RANBP2: variants seen among roughly 807,000 people sequenced by gnomAD.
The protein encoded by RANBP2 is RAN binding protein 2, also known as E3 SUMO-protein ligase RanBP2.
Under a neutral mutation model 303.6 loss-of-function variants are expected in RANBP2, and 57 were observed. The observed-to-expected ratio is 0.19, with a 90% CI of 0.15 to 0.23. The LOEUF (loss-of-function observed/expected upper bound fraction) is 0.23. Among genes scored for constraint, RANBP2 ranks in the 10% least tolerant of loss-of-function variants. The pLI is 1.00. For missense variants in RANBP2, 3,138 were observed against 3,780.8 expected, an observed-to-expected ratio of 0.83 and a Z score of 4.46; for synonymous variants, 1,167 against 1,301.5, an observed-to-expected ratio of 0.90 and a Z score of 2.23.
At chr2:109,003,404 AT>A in the RANBP2 span, among the ~76,000 whole-genome samples, 4 of 150,194 alleles carry the variant, frequency 2.7e-5, no homozygotes, top group South Asian at 4.2e-4. Context: ...ATCCCTTTTA[AT>A]TTTTTTTCTT....
At chr2:109,568,961 C>T in the RANBP2 span, among the ~76,000 whole-genome samples, 8 of 152,186 alleles carry the variant, frequency 5.3e-5, 1 homozygote, top group East Asian at 3.9e-4. Flanking sequence ...TTGTGAAGAC[C>T]GAATAACTTG....
the RANBP2 span, among the ~76,000 whole-genome samples, chr2:108,887,466 C>T: frequency 3.9e-5 from 6 of 151,990 alleles, no homozygotes; most frequent in African/African-American, 1.4e-4. Flanking sequence ...CTTTGGGCAA[C>T]GTGGTTATTT....
the RANBP2 span, among the ~76,000 whole-genome samples, chr2:109,468,533 G>C: frequency 6.6e-6 from 1 of 152,026 alleles, no homozygotes; most frequent in East Asian, 1.9e-4. Context: ...GGCAAGAAGC[G>C]AGCACAAACG....
chr2:109,608,956 G>A, the RANBP2 span, among the ~76,000 whole-genome samples: 1 of 152,196 alleles, frequency 6.6e-6, no homozygotes, highest in Admixed American at 6.5e-5. Context: ...CAAGGGTCCT[G>A]TATGTATTCT....
intron 7 of RANBP2, among the ~76,000 whole-genome samples, chr2:108,745,808 C>T (rs2693115): frequency 3.3e-5 from 5 of 151,838 alleles, no homozygotes; most frequent in South Asian, 2.1e-4. Context: ...TATGCAGGGT[C>T]GAAAAGTAAT....
the RANBP2 span, among the ~76,000 whole-genome samples, chr2:109,036,082 A>G: frequency 4.6e-5 from 7 of 152,230 alleles, no homozygotes. Context: ...ACATTCTCAG[A>G]TGAAAGAAAA....
intron 9 of RANBP2, among the ~76,000 whole-genome samples, chr2:108,750,463 A>T (rs979043791): frequency 1.3e-5 from 2 of 152,228 alleles, no homozygotes; most frequent in Non-Finnish European, 2.9e-5. Flanking sequence ...CTAAAAACAG[A>T]ATTAGAGACA....
At chr2:109,116,674 G>C in the RANBP2 span, among the ~76,000 whole-genome samples, 1 of 152,212 alleles carries the variant, frequency 6.6e-6, no homozygotes, top group East Asian at 1.9e-4. Context: ...TTGCTGGTGA[G>C]GAACTGCGTT....
At chr2:109,669,669 C>T in the RANBP2 span, among the ~76,000 whole-genome samples, 1 of 152,176 alleles carries the variant, frequency 6.6e-6, no homozygotes, top group Non-Finnish European at 1.5e-5. Context: ...TACATCTAAA[C>T]CAGAGAAGGC....
chr2:109,098,632 C>T, the RANBP2 span, among the ~76,000 whole-genome samples: 2 of 152,206 alleles, frequency 1.3e-5, no homozygotes, highest in African/African-American at 4.8e-5. Context: ...TGGAACACAT[C>T]CTATTTCATG....
chr2:108,772,746 T>G, intron 22 of RANBP2, 122 bp from the exon 23 acceptor site: 3 of 1,248,706 alleles, frequency 2.4e-6, no homozygotes, highest in Non-Finnish European at 3.4e-6. Context: ...GTGGTCCTTG[T>G]TTTTCATTAG....
At chr2:109,593,607 T>C in the RANBP2 span, among the ~76,000 whole-genome samples, 5 of 152,108 alleles carry the variant, frequency 3.3e-5, no homozygotes, top group African/African-American at 1.2e-4. Flanking sequence ...GGTTTCACCA[T>C]GTTGGTCAGG....
rs1362369645 is a variant in RANBP2, at chr2:108,761,324, A to G, written c.2603-777A>G. Among the ~76,000 whole-genome samples, 6 of 151,816 alleles carry G rather than the reference A, an allele frequency of 4.0e-5. No homozygotes were observed. In the East Asian group the frequency reaches 1.2e-3, roughly 29 times the overall value. ...AGCCTTTTCTAGGTCTTGATTTTTC[A>G]GTGCTTTCCAGAGGCAATTGTTTGG... On this transcript the variant is annotated intron_variant, in intron 18 of 28. Transcript: ENST00000283195.
chr2:109,669,596 GAA>G, the RANBP2 span, among the ~76,000 whole-genome samples: 3 of 152,320 alleles, frequency 2.0e-5, no homozygotes, highest in Non-Finnish European at 2.9e-5. Flanking sequence ...GCTAGAACTA[GAA>G]TTCAGAACGG....
intron 25 of RANBP2, among the ~76,000 whole-genome samples, chr2:108,779,901 G>C (rs1156267983): frequency 6.6e-6 from 1 of 152,152 alleles, no homozygotes; most frequent in Non-Finnish European, 1.5e-5. Context: ...TCTTCAGGAA[G>C]AAGTAGAGAT....
chr2:109,102,732 C>A, the RANBP2 span, among the ~76,000 whole-genome samples: 2 of 152,110 alleles, frequency 1.3e-5, no homozygotes, highest in Non-Finnish European at 2.9e-5. Flanking sequence ...AGAGCCCCAG[C>A]CCATCAGCAG....
chr2:109,693,322 G>A, the RANBP2 span, among the ~76,000 whole-genome samples: 1 of 152,108 alleles, frequency 6.6e-6, no homozygotes, highest in Non-Finnish European at 1.5e-5. Context: ...GCAAGTGTGT[G>A]CCACCATGCC....
the RANBP2 span, among the ~76,000 whole-genome samples, chr2:109,710,809 G>A: frequency 3.9e-5 from 6 of 152,244 alleles, no homozygotes; most frequent in East Asian, 1.9e-4. Flanking sequence ...TGAACCCCCC[G>A]GGCACTTTAG....
the RANBP2 span, among the ~76,000 whole-genome samples, chr2:108,846,123 A>G: frequency 6.6e-6 from 1 of 152,192 alleles, no homozygotes; most frequent in East Asian, 1.9e-4. Context: ...ACACAGAAGG[A>G]TGTGCCTGAT....
Sources: allele counts gnomAD v4.1 joint callset (sites outside exome capture counted in the v4.1 genomes callset), GRCh38; gene constraint gnomAD v4.1.1; transcripts MANE v1.5; gene names NCBI Gene and HGNC (gene_info 2026-07-23, HGNC 2026-07-21).